The following PKD1L1 variants were observed in gnomAD, a reference collection of about 807,000 sequenced individuals.
PKD1L1 encodes polycystin-1-like protein 1.
Under a neutral mutation model 323.4 loss-of-function variants are expected in PKD1L1, and 236 were observed. The ratio of observed to expected loss-of-function variants is 0.73; its 90% CI spans 0.66 to 0.81. The LOEUF (loss-of-function observed/expected upper bound fraction) is 0.81, where lower values mean the gene tolerates loss of function less well. Among genes scored for constraint, PKD1L1 ranks in the 40% least tolerant of loss-of-function variants. PKD1L1 has a pLI of 0.00. For synonymous variants in PKD1L1, 1,344 were observed against 1,335.0 expected, an observed-to-expected ratio of 1.01 and a Z score of -0.15; for missense variants, 3,320 against 3,508.0, an observed-to-expected ratio of 0.95 and a Z score of 1.35.
intron 19 of PKD1L1, among the ~76,000 whole-genome samples, chr7:47,883,876 A>T (rs1786619965): frequency 6.6e-6 from 1 of 152,232 alleles, no homozygotes; most frequent in Non-Finnish European, 1.5e-5. Context: ...TTCACTAGAC[A>T]TCCATCTCTT....
chr7:47,834,828 C>T (rs1785422452), intron 39 of PKD1L1, 139 bp downstream of exon 39: 7 of 692,510 alleles, frequency 1.0e-5, no homozygotes, highest in Non-Finnish European at 1.7e-5. Context: ...ATGACTTTTA[C>T]ACACATTAAA....
chr7:47,894,099 C>T lies in PKD1L1; in HGVS notation c.2272-40G>A, dbSNP rs1451086255. On this transcript the variant is annotated intron_variant, in intron 14 of 56. Transcript: ENST00000289672. ...AAGGACAGGGGATGTCATGCAGGGACAAGGCAGGGACTCACTGGAGAAACA... is the reference window on the plus strand; with the variant it reads ...AAGGACAGGGGATGTCATGCAGGGATAAGGCAGGGACTCACTGGAGAAACA... 4.0e-6 allele frequency: 6 copies of T among 1,506,586 alleles called. No homozygotes were observed. In the Admixed American group the frequency reaches 1.3e-4, roughly 33 times the overall value. 93.3% of individuals were successfully genotyped at this position (1,506,586 alleles called of 1,614,324 possible). A position where few individuals can be genotyped will look rare whatever the true frequency, so the allele number is the denominator to read the frequency against.
At chr7:47,789,663 G>T (rs1786893774) in intron 56 of PKD1L1, among the ~76,000 whole-genome samples, 1 of 152,044 alleles carries the variant, frequency 6.6e-6, no homozygotes, top group Non-Finnish European at 1.5e-5. Flanking sequence ...TATACCATGG[G>T]ATTTCGTCTG....
At chr7:47,940,949 C>T (rs559742738) in intron 2 of PKD1L1, among the ~76,000 whole-genome samples, 72 of 152,342 alleles carry the variant, frequency 4.7e-4, no homozygotes, top group African/African-American at 1.7e-3. Context: ...CTGTTGCCAG[C>T]GATGACAGGT....
At chr7:47,922,306 G>A (rs1468636197) in intron 7 of PKD1L1, among the ~76,000 whole-genome samples, 4 of 152,220 alleles carry the variant, frequency 2.6e-5, no homozygotes, top group African/African-American at 7.2e-5. Flanking sequence ...CCAAAGTGCC[G>A]AGATTGCAGC....
rs1224932305 is a variant in PKD1L1, at chr7:47,885,821, C to G, written c.3070G>C (p.Asp1024His). 3 of 1,614,056 alleles carry G rather than the reference C, an allele frequency of 1.9e-6. No individual in the cohort carries two copies. Among genetic ancestry groups the G allele is most frequent in the Non-Finnish European group, 2.5e-6 (3 of 1,180,036 alleles). ...GGAGCCTCCCCCAGGACTGCAGAGT[C>G]CCCCGCAGGAGGAATCCAGTAGACT... ...TGVYWIPPAG[D>H]SAVLGEAPEE... Residue 1024 changes from aspartate to histidine, a missense_variant, in exon 18 of 57, where the codon GAC (aspartate) becomes CAC (histidine). Asp to His is a moderately conservative substitution (Grantham distance 81). Transcript: ENST00000289672.
chr7:47,941,662 G>A (rs1787988308), intron 2 of PKD1L1, among the ~76,000 whole-genome samples: 2 of 152,220 alleles, frequency 1.3e-5, no homozygotes, highest in African/African-American at 4.8e-5. Context: ...ACCAACTGAG[G>A]TATGAAGTAA....
chr7:47,811,239 C>T (rs113060411), intron 50 of PKD1L1, among the ~76,000 whole-genome samples: 2,144 of 151,770 alleles, frequency 0.014, 64 homozygotes, highest in African/African-American at 0.049. Context: ...CTGCAACCTC[C>T]GCCTCCCAGG....
chr7:47,875,497 A>G (rs375056380), intron 23 of PKD1L1, among the ~76,000 whole-genome samples: 1 of 152,184 alleles, frequency 6.6e-6, no homozygotes, highest in African/African-American at 2.4e-5. Context: ...CCAACCCCCA[A>G]GATTTTTATT....
intron 15 of PKD1L1, among the ~76,000 whole-genome samples, chr7:47,893,426 T>C (rs1049156604): frequency 6.6e-6 from 1 of 152,064 alleles, no homozygotes; most frequent in African/African-American, 2.4e-5. Flanking sequence ...TCTGAGGCTG[T>C]TGCACATGGA....
chr7:47,880,302 G>A (rs1346988648), intron 21 of PKD1L1, among the ~76,000 whole-genome samples: 2 of 18,834 alleles, frequency 1.1e-4, no homozygotes, highest in Non-Finnish European at 1.9e-4. Flanking sequence ...TTTTTTTTTT[G>A]AGACAGTCTT....
chr7:47,811,154 C>CTTT (rs11412484), intron 50 of PKD1L1, among the ~76,000 whole-genome samples: 2 of 121,238 alleles, frequency 1.6e-5, no homozygotes, highest in Admixed American at 7.9e-5. Flanking sequence ...ATGTCTCCTT[C>CTTT]TTTTTTTTTT....
chr7:47,815,083 A>C (rs556260936), intron 47 of PKD1L1, among the ~76,000 whole-genome samples: 97 of 152,182 alleles, frequency 6.4e-4, no homozygotes, highest in African/African-American at 2.3e-3. Flanking sequence ...TGTCTATCTC[A>C]GGCCTGGGAA....
chr7:47,811,153 T>C (rs1470799932), intron 50 of PKD1L1, among the ~76,000 whole-genome samples: 4 of 82,242 alleles, frequency 4.9e-5, no homozygotes, highest in African/African-American at 2.1e-4. Context: ...AATGTCTCCT[T>C]CTTTTTTTTT....
rs1347076587 is a variant in PKD1L1 at position 47,815,378 on chromosome 7, G to C, written c.7045C>G (p.Leu2349Val). The stretch of plus-strand genomic sequence containing the variant: ...GCTGACGGGGTGCCTCCCGGGTACA[G>C]GCCATCCAGAAGTGTGGTCAGACTC... ...DWSLTTLLDG[L>V]YPGGTPSARV... The change falls in exon 47 of 57, where the codon CTG becomes GTG. Residue 2349 changes from leucine (L) to valine (V), a missense_variant. Leu to Val is a conservative substitution (Grantham distance 32). Coordinates refer to ENST00000289672, the MANE Select transcript of PKD1L1 (RefSeq NM_138295.5). 1 of 1,614,026 alleles carries C rather than the reference G, an allele frequency of 6.2e-7. No individual in the cohort carries two copies. The highest frequency in any genetic ancestry group is 8.5e-7 in the Non-Finnish European group (1 of 1,180,016).
chr7:47,778,229 A>G (rs1414344269), intron 56 of PKD1L1, among the ~76,000 whole-genome samples: 1 of 152,190 alleles, frequency 6.6e-6, no homozygotes, highest in Non-Finnish European at 1.5e-5. Flanking sequence ...TGGGGAAGGA[A>G]GACCACCAGG....
rs188297648 is a variant in PKD1L1 at position 47,932,527 on chromosome 7, G to C, written c.399-471C>G. Among the ~76,000 whole-genome samples, 10 of 152,366 alleles carry C rather than the reference G, an allele frequency of 6.6e-5. No individual in the cohort carries two copies. The East Asian group carries it at 1.9e-3, about 29-fold the overall frequency. The stretch of plus-strand genomic sequence containing the variant: ...GCAGGGCTTGGGAATGGGACTCAAG[G>C]ACCGTGCCTCTGGCCAGCAGGGACG... On this transcript the variant is annotated intron_variant, in intron 4 of 56. Transcript: ENST00000289672.
chr7:47,885,934 G>A lies in PKD1L1; in HGVS notation c.2957C>T (p.Thr986Ile), dbSNP rs767023654. 6.2e-7 allele frequency: 1 copy of A among 1,614,208 alleles called. No homozygotes were observed. Among genetic ancestry groups the A allele is most frequent in the East Asian group, 2.2e-5 (1 of 44,876 alleles). Residue 986 changes from threonine to isoleucine, a missense_variant, in exon 18 of 57, where the codon ACA (threonine) becomes ATA (isoleucine). Coordinates refer to ENST00000289672, the MANE Select transcript of PKD1L1 (RefSeq NM_138295.5). Reference protein sequence around the residue: ...PGTADPDATTTPFSREPSPVT... With the variant: ...PGTADPDATTIPFSREPSPVT... ...GGGTGAAGGTTCCCGTGAGAATGGT[G>A]TGGTCGTTGCATCAGGATCTGCAGT...
chr7:47,792,620 G>C lies in PKD1L1; in HGVS notation c.8526+7C>G. On this transcript the variant is annotated splice_region_variant and intron_variant, in intron 56 of 56. Transcript: ENST00000289672. ...AAATTGACATAAATAATTTTGCATG[G>C]TCTTACCTCAGCAGCTTGGTAACTA... The C allele has an allele frequency of 6.2e-7, 1 of 1,607,286 alleles. No individual in the cohort carries two copies. The highest frequency in any genetic ancestry group is 8.5e-7 in the Non-Finnish European group (1 of 1,175,630).
Sources: allele counts gnomAD v4.1 joint callset (sites outside exome capture counted in the v4.1 genomes callset), GRCh38; gene constraint gnomAD v4.1.1; transcripts MANE v1.5; gene names NCBI Gene and HGNC (gene_info 2026-07-23, HGNC 2026-07-21).